CSMD1: variants seen among roughly 807,000 people sequenced by gnomAD.
CSMD1 encodes CUB and Sushi multiple domains 1, also known as CUB and sushi domain-containing protein 1.
Under a neutral mutation model 417.5 loss-of-function variants are expected in CSMD1, and 213 were observed. That is an observed-to-expected ratio of 0.51 (90% CI 0.46 to 0.57). The LOEUF is 0.57. CSMD1 is among the 20% of genes least tolerant of loss of function. CSMD1 has a pLI of 0.00. For missense variants in CSMD1, 6,923 were observed against 4,529.7 expected, an observed-to-expected ratio of 1.53 and a Z score of -15.17; for synonymous variants, 2,862 against 1,736.8, an observed-to-expected ratio of 1.65 and a Z score of -16.11.
At chr8:4,013,879 T>C (rs1796396370) in intron 4 of CSMD1, among the ~76,000 whole-genome samples, 1 of 152,196 alleles carries the variant, frequency 6.6e-6, no homozygotes, top group African/African-American at 2.4e-5. Context: ...AGAGATCATA[T>C]GACATGAAAA....
intron 2 of CSMD1, among the ~76,000 whole-genome samples, chr8:4,479,819 C>G (rs1295513727): frequency 6.6e-6 from 1 of 151,840 alleles, no homozygotes; most frequent in Non-Finnish European, 1.5e-5. Context: ...CAAAAATTAG[C>G]CAGGCGTGGT....
chr8:4,031,900 T>C lies in CSMD1; in HGVS notation c.610+5A>G, dbSNP rs369904283. Reference sequence around the variant, plus strand: ...CTGCTCACCAGCCCCCTTGTAGCACTGTACCTCTGCAAAAGGGAGCTGGGA... The same window carrying C: ...CTGCTCACCAGCCCCCTTGTAGCACCGTACCTCTGCAAAAGGGAGCTGGGA... On this transcript the variant is annotated splice_donor_5th_base_variant and intron_variant, in intron 4 of 69. Transcript: ENST00000635120. 1 of 1,611,604 alleles carries C rather than the reference T, an allele frequency of 6.2e-7. No homozygotes were observed. Among genetic ancestry groups the C allele is most frequent in the South Asian group, 1.1e-5 (1 of 90,840 alleles).
chr8:3,371,397 T>C (rs1809937308), intron 18 of CSMD1, among the ~76,000 whole-genome samples: 1 of 151,894 alleles, frequency 6.6e-6, no homozygotes, highest in South Asian at 2.1e-4. Context: ...TGAATACATG[T>C]AAGGAGCTCA....
chr8:3,234,084 C>A (rs1409689553), intron 26 of CSMD1, among the ~76,000 whole-genome samples: 1 of 152,084 alleles, frequency 6.6e-6, no homozygotes, highest in Non-Finnish European at 1.5e-5. Flanking sequence ...CTCAGAAAGA[C>A]CTTAGATTTG....
intron 1 of CSMD1, among the ~76,000 whole-genome samples, chr8:4,648,930 A>T (rs933599528): frequency 6.6e-6 from 1 of 152,190 alleles, no homozygotes; most frequent in African/African-American, 2.4e-5. Flanking sequence ...TCAGTCTGCA[A>T]TGAAGCCAGC....
At chr8:4,346,190 A>T (rs1383138020) in intron 3 of CSMD1, among the ~76,000 whole-genome samples, 2 of 152,158 alleles carry the variant, frequency 1.3e-5, no homozygotes, top group Non-Finnish European at 2.9e-5. Flanking sequence ...TGGCCTGCTA[A>T]TTTATCTGGA....
intron 5 of CSMD1, among the ~76,000 whole-genome samples, chr8:3,918,976 A>G (rs1219946426): frequency 2.0e-5 from 3 of 152,006 alleles, no homozygotes; most frequent in Non-Finnish European, 2.9e-5. Context: ...AATCACCACT[A>G]AAAAACTTAT....
At chr8:3,149,209 A>T (rs1327857626) in intron 40 of CSMD1, among the ~76,000 whole-genome samples, 1 of 152,244 alleles carries the variant, frequency 6.6e-6, no homozygotes, top group Non-Finnish European at 1.5e-5. Context: ...ATAAAAAATA[A>T]ATACAGAAAT....
At chr8:4,342,374 C>T (rs536504380) in intron 3 of CSMD1, among the ~76,000 whole-genome samples, 1 of 152,028 alleles carries the variant, frequency 6.6e-6, no homozygotes, top group Admixed American at 6.6e-5. Context: ...ACAGCTATCA[C>T]ATATGTTTAT....
At chr8:3,260,249 A>G (rs572134469) in intron 26 of CSMD1, among the ~76,000 whole-genome samples, 2 of 152,062 alleles carry the variant, frequency 1.3e-5, no homozygotes, top group Non-Finnish European at 2.9e-5. Flanking sequence ...CATTTTCTCA[A>G]AGTTGCTCTT....
Position 3,156,569 on chromosome 8 carries a change from G to GAGCT in CSMD1, c.5914+1324_5914+1327dup, listed in dbSNP as rs1819548163. 1.1e-4 allele frequency among the ~76,000 whole-genome samples: 17 copies of GAGCT among 152,254 alleles called. 1 individual carries two copies. In the South Asian group the frequency reaches 3.1e-3, roughly 28 times the overall value. On this transcript the variant is annotated intron_variant, in intron 39 of 69. Transcript: ENST00000635120. ...GATGACTCACTGCACCTGCAGGTGG[G>GAGCT]AGCTCAGAGAGCATTGAGGAGGGGA... is the stretch of plus-strand genomic sequence containing the variant.
intron 3 of CSMD1, among the ~76,000 whole-genome samples, chr8:4,268,620 A>T (rs1804372838): frequency 6.6e-6 from 1 of 152,206 alleles, no homozygotes; most frequent in Non-Finnish European, 1.5e-5. Flanking sequence ...ATGGGATTAC[A>T]GTCAAGTTCA....
chr8:4,422,812 G>A (rs553832191), intron 2 of CSMD1, among the ~76,000 whole-genome samples: 7 of 152,158 alleles, frequency 4.6e-5, no homozygotes, highest in East Asian at 3.9e-4. Context: ...AAATAGGCAA[G>A]ATACGAATTA....
In CSMD1 at chr8:3,359,417, T is replaced by C. The variant is rs1272944937; in HGVS notation, c.3116-77A>G. On this transcript the variant is annotated intron_variant, in intron 20 of 69. Transcript: ENST00000635120. The stretch of plus-strand genomic sequence containing the variant: ...AAGATTAAATAGCAAGAATAAAAAG[T>C]GCTATTACTAAAAAAAAAAAAAAAA... 3 of 941,068 alleles carry C rather than the reference T, an allele frequency of 3.2e-6. No individual in the cohort carries two copies. In the African/African-American group the frequency reaches 5.3e-5, roughly 17 times the overall value. The allele number at this position is 941,068 out of a possible 1,614,324, so 58.3% of individuals were successfully genotyped here.
intron 5 of CSMD1, among the ~76,000 whole-genome samples, chr8:3,939,279 T>G (rs556463047): frequency 2.0e-5 from 3 of 152,150 alleles, no homozygotes; most frequent in Admixed American, 1.3e-4. Context: ...TCATTAATTA[T>G]CAGAGAAATG....
At chr8:4,817,443 G>A (rs1799272106) in intron 1 of CSMD1, among the ~76,000 whole-genome samples, 2 of 152,212 alleles carry the variant, frequency 1.3e-5, no homozygotes, top group African/African-American at 4.8e-5. Context: ...ATAGAAGTAG[G>A]AGCAAGACGC....
intron 7 of CSMD1, among the ~76,000 whole-genome samples, chr8:3,671,720 C>T (rs1799078513): frequency 1.3e-5 from 2 of 151,632 alleles, no homozygotes; most frequent in Admixed American, 1.3e-4. Context: ...GTGTTGCATG[C>T]CCAGCACCGG....
At chr8:4,317,573 G>A (rs73174218) in intron 3 of CSMD1, among the ~76,000 whole-genome samples, 17,637 of 151,900 alleles carry the variant, frequency 0.12, 1,295 homozygotes, top group Middle Eastern at 0.18. Context: ...CAAGTTAAGT[G>A]TCAGTACTCA....
intron 26 of CSMD1, among the ~76,000 whole-genome samples, chr8:3,277,485 G>C (rs1194818701): frequency 1.3e-5 from 2 of 152,170 alleles, no homozygotes; most frequent in Non-Finnish European, 2.9e-5. Flanking sequence ...ATTTTGAATA[G>C]GGACTCCACT....
Sources: allele counts gnomAD v4.1 joint callset (sites outside exome capture counted in the v4.1 genomes callset), GRCh38; gene constraint gnomAD v4.1.1; transcripts MANE v1.5; gene names NCBI Gene and HGNC (gene_info 2026-07-23, HGNC 2026-07-21).